CDH18: variants seen among roughly 807,000 people sequenced by gnomAD.
CDH18 encodes cadherin-18.
CDH18 carries 31 observed loss-of-function variants against 67.9 expected under a neutral mutation model. The observed-to-expected ratio is 0.46, with a 90% CI of 0.34 to 0.62. The LOEUF is 0.62. Among genes scored for constraint, CDH18 ranks in the 20% least tolerant of loss-of-function variants. The pLI, the probability that CDH18 is intolerant of heterozygous loss-of-function variation, is 0.01. For missense variants in CDH18, 890 were observed against 975.5 expected, an observed-to-expected ratio of 0.91 and a Z score of 1.17; for synonymous variants, 362 against 347.2, an observed-to-expected ratio of 1.04 and a Z score of -0.48.
chr5:19,582,169 C>A (rs144993077), intron 7 of CDH18, among the ~76,000 whole-genome samples: 1 of 151,704 alleles, frequency 6.6e-6, no homozygotes, highest in Admixed American at 6.6e-5. Flanking sequence ...TATACACAAG[C>A]TCATATGTGT....
At chr5:20,533,252 C>T (rs1214638961) in intron 1 of CDH18, among the ~76,000 whole-genome samples, 2 of 152,024 alleles carry the variant, frequency 1.3e-5, no homozygotes, top group Non-Finnish European at 2.9e-5. Flanking sequence ...AGAAACCCAC[C>T]CTGCCAACAA....
At chr5:19,937,961 CTATA>C (rs369843082) in intron 2 of CDH18, among the ~76,000 whole-genome samples, 1 of 144,402 alleles carries the variant, frequency 6.9e-6, no homozygotes, top group Non-Finnish European at 1.5e-5. Flanking sequence ...AATATATTTG[CTATA>C]TATATATATA....
chr5:19,766,091 CT>C (rs1264325092), intron 3 of CDH18, among the ~76,000 whole-genome samples: 4 of 152,126 alleles, frequency 2.6e-5, no homozygotes, highest in Non-Finnish European at 5.9e-5. Context: ...GTTGGTCAGA[CT>C]GGTCTCAAAC....
intron 1 of CDH18, among the ~76,000 whole-genome samples, chr5:20,524,568 T>C (rs536514800): frequency 2.0e-5 from 3 of 152,312 alleles, no homozygotes; most frequent in Non-Finnish European, 4.4e-5. Context: ...TGTTAAATTT[T>C]TTGTTCACAT....
chr5:20,410,645 T>C (rs4568370), intron 1 of CDH18, among the ~76,000 whole-genome samples: 83,442 of 150,876 alleles, frequency 0.55, 23,445 homozygotes, highest in Middle Eastern at 0.63. Flanking sequence ...CCTGTGAATC[T>C]CAGCAAGATC....
intron 2 of CDH18, among the ~76,000 whole-genome samples, chr5:20,123,343 C>A (rs182880588): frequency 4.6e-5 from 7 of 152,246 alleles, no homozygotes; most frequent in African/African-American, 1.7e-4. Context: ...ACGCTGGAGG[C>A]TGTGTTTCCC....
intron 1 of CDH18, among the ~76,000 whole-genome samples, chr5:20,336,169 C>G (rs1739711321): frequency 6.6e-6 from 1 of 152,118 alleles, no homozygotes; most frequent in Non-Finnish European, 1.5e-5. Context: ...AGACTGCCCT[C>G]TGGTGGACCC....
intron 5 of CDH18, among the ~76,000 whole-genome samples, chr5:19,688,421 A>C (rs1043784161): frequency 2.0e-5 from 3 of 152,158 alleles, no homozygotes; most frequent in Non-Finnish European, 2.9e-5. Flanking sequence ...GAAATCACAG[A>C]CATCATTGCT....
intron 4 of CDH18, among the ~76,000 whole-genome samples, 163 bp from the exon 5 acceptor site, chr5:19,721,629 T>C (rs1365608903): frequency 6.6e-6 from 1 of 152,200 alleles, no homozygotes; most frequent in Non-Finnish European, 1.5e-5. Context: ...TTGCTTTCTT[T>C]CCCTGTCATC....
chr5:20,125,999 T>C (rs1748788352), intron 2 of CDH18, among the ~76,000 whole-genome samples: 1 of 152,110 alleles, frequency 6.6e-6, no homozygotes, highest in East Asian at 1.9e-4. Context: ...AGATCTCAAA[T>C]AGCCAAAGCA....
intron 8 of CDH18, among the ~76,000 whole-genome samples, chr5:19,567,151 C>A (rs1047724439): frequency 6.6e-6 from 1 of 152,020 alleles, no homozygotes; most frequent in Non-Finnish European, 1.5e-5. Flanking sequence ...GAAGGAACAA[C>A]AGCTAGTATT....
chr5:20,465,282 T>A (rs11954132), intron 1 of CDH18, among the ~76,000 whole-genome samples: 76,036 of 151,624 alleles, frequency 0.5, 19,377 homozygotes, highest in Middle Eastern at 0.53. Context: ...AGGAGTACAG[T>A]AAAAATTCAG....
intron 3 of CDH18, among the ~76,000 whole-genome samples, chr5:19,821,616 C>A (rs1581504826): frequency 6.6e-6 from 1 of 152,152 alleles, no homozygotes; most frequent in South Asian, 2.1e-4. Flanking sequence ...TAGAAAATCT[C>A]TGTAAGACAC....
At chr5:19,793,908 C>T (rs927888827) in intron 3 of CDH18, among the ~76,000 whole-genome samples, 21 of 151,910 alleles carry the variant, frequency 1.4e-4, no homozygotes, top group Non-Finnish European at 2.6e-4. Flanking sequence ...GAAGGAATCA[C>T]CTGTATAAAA....
intron 1 of CDH18, among the ~76,000 whole-genome samples, chr5:20,452,360 T>G (rs1177975293): frequency 1.3e-5 from 2 of 152,070 alleles, no homozygotes; most frequent in Admixed American, 1.3e-4. Context: ...TAACAAAAGT[T>G]AAGTTGAAAA....
intron 2 of CDH18, among the ~76,000 whole-genome samples, chr5:20,242,609 A>ATATAT (rs1189797832): frequency 1.1e-5 from 1 of 87,124 alleles, no homozygotes; most frequent in African/African-American, 6.3e-5. Flanking sequence ...AAAAAAAAAA[A>ATATAT]AAATATATAT....
chr5:19,490,530 T>C (rs1055473761), intron 11 of CDH18, among the ~76,000 whole-genome samples: 3 of 147,830 alleles, frequency 2.0e-5, no homozygotes, highest in African/African-American at 7.4e-5. Context: ...TTCTCCTGCC[T>C]CAGCCTCCCA....
At chr5:19,895,363 GT>G (rs1380847489) in intron 2 of CDH18, among the ~76,000 whole-genome samples, 1 of 152,112 alleles carries the variant, frequency 6.6e-6, no homozygotes, top group Non-Finnish European at 1.5e-5. Flanking sequence ...TAAATGAGTG[GT>G]TTTTCTGATG....
chr5:19,636,060 C>A (rs1310173229), intron 5 of CDH18, among the ~76,000 whole-genome samples: 1 of 152,012 alleles, frequency 6.6e-6, no homozygotes, highest in Admixed American at 6.6e-5. Context: ...TTGGCTCAAT[C>A]AATGATTTTC....
Sources: allele counts gnomAD v4.1 joint callset (sites outside exome capture counted in the v4.1 genomes callset), GRCh38; gene constraint gnomAD v4.1.1; transcripts MANE v1.5; gene names NCBI Gene and HGNC (gene_info 2026-07-23, HGNC 2026-07-21).